Variants in GYPE observed in about 807,000 individuals in gnomAD.
GYPE encodes the protein glycophorin-E.
A neutral mutation model predicts 11.6 loss-of-function variants in GYPE; 8 were observed. The observed-to-expected ratio is 0.69, with a 90% CI of 0.41 to 1.25. The LOEUF (loss-of-function observed/expected upper bound fraction) is 1.25. Ranked by LOEUF, GYPE falls within the 50% of genes most tolerant of loss-of-function variation. The probability of loss-of-function intolerance (pLI) is 0.01; values close to 1 mark genes in which losing one functional copy is unlikely to be tolerated. For synonymous variants in GYPE, 28 were observed against 29.6 expected (o/e 0.94, Z 0.18); for missense variants, 90 against 92.8 (o/e 0.97, Z 0.12).
intron 3 of GYPE, among the ~76,000 whole-genome samples, chr4:143,875,987 A>AT (rs763109976): frequency 4.6e-5 from 7 of 151,720 alleles, no homozygotes; most frequent in South Asian, 4.2e-4. Flanking sequence ...AAAAAAAAAA[A>AT]TAAAAAAAGC....
chr4:143,895,479 A>G (rs1338401938), intron 1 of GYPE, among the ~76,000 whole-genome samples: 34 of 150,382 alleles, frequency 2.3e-4, no homozygotes, highest in African/African-American at 8.0e-4. Context: ...AAGGAGAACT[A>G]CAAACCACTG....
At chr4:143,879,202 T>C (rs1176578438) in intron 2 of GYPE, among the ~76,000 whole-genome samples, 1 of 152,192 alleles carries the variant, frequency 6.6e-6, no homozygotes, top group Non-Finnish European at 1.5e-5. Flanking sequence ...ATTGATAGTA[T>C]GGTTGCCTTA....
At chr4:143,872,655 C>T (rs564474933) in intron 3 of GYPE, among the ~76,000 whole-genome samples, 65 of 152,102 alleles carry the variant, frequency 4.3e-4, no homozygotes, top group Admixed American at 1.5e-3. Context: ...CATTATTCTG[C>T]GCTCTGAGGA....
At chr4:143,881,077 G>T (rs1744004925) in intron 1 of GYPE, among the ~76,000 whole-genome samples, 1 of 151,454 alleles carries the variant, frequency 6.6e-6, no homozygotes. Context: ...AATAAAAATG[G>T]AAACAATAAT....
At chr4:143,894,767 C>T (rs1445965861) in intron 1 of GYPE, among the ~76,000 whole-genome samples, 1 of 152,072 alleles carries the variant, frequency 6.6e-6, no homozygotes, top group Admixed American at 6.5e-5. Flanking sequence ...AAAATCCTGG[C>T]AAACCGAATC....
intron 3 of GYPE, 44 bp downstream of exon 3, chr4:143,876,702 G>A: frequency 2.1e-6 from 2 of 954,594 alleles, no homozygotes; most frequent in Non-Finnish European, 3.4e-6. Flanking sequence ...TCCGAGAGCT[G>A]TTCACACTGG....
intron 2 of GYPE, 44 bp downstream of exon 2, chr4:143,880,367 A>G (rs778070949): frequency 6.2e-7 from 1 of 1,613,500 alleles, no homozygotes; most frequent in Admixed American, 1.7e-5. Flanking sequence ...GCATCACAAA[A>G]ACGATTTCGG....
At chr4:143,883,096 G>A (rs923718814) in intron 1 of GYPE, among the ~76,000 whole-genome samples, 1 of 152,036 alleles carries the variant, frequency 6.6e-6, no homozygotes, top group African/African-American at 2.4e-5. Flanking sequence ...GTTTCTCATG[G>A]CTTAACATCA....
rs1838520 is a variant in GYPE, at chr4:143,870,889, T to A, written c.*1373A>T. On this transcript the variant is annotated 3_prime_UTR_variant, in exon 4 of 4. Coordinates refer to ENST00000358615, the MANE Select transcript of GYPE (RefSeq NM_198682.3). ...TGTAATTTATAAAGGAAAGAGGTTT[T>A]ATTGATCTACAGTTTTGCATGGCTG... is the stretch of plus-strand genomic sequence containing the variant. 6.6e-6 allele frequency: 1 copy of A among 152,192 alleles called. No homozygotes were observed. 9.4% of individuals were successfully genotyped at this position (152,192 alleles called of 1,614,324 possible).
intron 1 of GYPE, among the ~76,000 whole-genome samples, chr4:143,890,356 G>A (rs1343134796): frequency 2.0e-5 from 3 of 152,182 alleles, no homozygotes; most frequent in Admixed American, 6.5e-5. Context: ...TTTAGTCTAA[G>A]GTTTGGTATT....
chr4:143,879,861 C>T (rs1347591579), intron 2 of GYPE, among the ~76,000 whole-genome samples: 1 of 152,168 alleles, frequency 6.6e-6, no homozygotes, highest in African/African-American at 2.4e-5. Context: ...CACCAGATTA[C>T]TCTTATCTCA....
rs1743832589 is a variant in GYPE, at chr4:143,876,835, A to G, written c.157T>C (p.Trp53Arg). ...QTNGITLINW[W>R]AMARVIFEVM... ...TCAAAAATAACACGAGCCATCGCCC[A>G]CCAATTAATGAGTGTTATCCCTACA... Residue 53 changes from tryptophan (W) to arginine (R), a missense_variant, in exon 3 of 4, where the codon TGG becomes CGG. Transcript: ENST00000358615. 2 of 1,608,270 alleles carry G rather than the reference A, an allele frequency of 1.2e-6. No individual in the cohort carries two copies. Among genetic ancestry groups the G allele is most frequent in the African/African-American group, 2.7e-5 (2 of 74,912 alleles).
chr4:143,890,328 T>C (rs1744355480), intron 1 of GYPE, among the ~76,000 whole-genome samples: 1 of 152,220 alleles, frequency 6.6e-6, no homozygotes, highest in South Asian at 2.1e-4. Context: ...GGATTTCACA[T>C]ATTTTACCTG....
intron 1 of GYPE, among the ~76,000 whole-genome samples, chr4:143,889,728 G>A (rs1001432268): frequency 6.6e-6 from 1 of 152,098 alleles, no homozygotes; most frequent in African/African-American, 2.4e-5. Context: ...GTATGTCTAA[G>A]ATAATAATAT....
chr4:143,874,804 C>G (rs1233705710), intron 3 of GYPE, among the ~76,000 whole-genome samples: 3 of 152,136 alleles, frequency 2.0e-5, no homozygotes, highest in Non-Finnish European at 4.4e-5. Flanking sequence ...CTGCTGTGTC[C>G]TGGAGGTGAT....
intron 1 of GYPE, among the ~76,000 whole-genome samples, chr4:143,883,222 T>C (rs1030649271): frequency 4.6e-4 from 70 of 152,136 alleles, no homozygotes; most frequent in African/African-American, 1.7e-3. Context: ...CTCCCGACTC[T>C]CTCTCTTGCT....
chr4:143,891,627 C>T (rs1280201454), intron 1 of GYPE, among the ~76,000 whole-genome samples: 1 of 151,996 alleles, frequency 6.6e-6, no homozygotes, highest in Admixed American at 6.5e-5. Flanking sequence ...TGCACCTGGC[C>T]TATTTTGATT....
chr4:143,898,344 T>TA (rs1252801840), intron 1 of GYPE, among the ~76,000 whole-genome samples: 11 of 152,150 alleles, frequency 7.2e-5, no homozygotes, highest in Non-Finnish European at 1.5e-4. Flanking sequence ...GCCACTGCAC[T>TA]CCAGCCTGGG....
At chr4:143,891,390 C>A (rs1367712714) in intron 1 of GYPE, among the ~76,000 whole-genome samples, 37 of 147,484 alleles carry the variant, frequency 2.5e-4, no homozygotes, top group Admixed American at 7.5e-4. Context: ...GTGCAGTGGC[C>A]TGATCTCGGC....
Sources: allele counts gnomAD v4.1 joint callset (sites outside exome capture counted in the v4.1 genomes callset), GRCh38; gene constraint gnomAD v4.1.1; transcripts MANE v1.5; gene names NCBI Gene and HGNC (gene_info 2026-07-23, HGNC 2026-07-21).